TRHDE: variants seen among roughly 807,000 people sequenced by gnomAD.
The protein encoded by TRHDE is thyrotropin releasing hormone degrading enzyme.
In TRHDE, 72 loss-of-function variants were observed where a neutral mutation model predicts 125.7. The observed-to-expected ratio is 0.57, with a 90% CI of 0.47 to 0.70. The LOEUF (loss-of-function observed/expected upper bound fraction) is 0.70, where lower values mean the gene tolerates loss of function less well. Ranked by LOEUF, TRHDE falls within the 30% of genes least tolerant of loss-of-function variation. The probability of loss-of-function intolerance (pLI) is 0.00; values close to 1 mark genes in which losing one functional copy is unlikely to be tolerated. For missense variants in TRHDE, 1,110 were observed against 1,327.1 expected, an observed-to-expected ratio of 0.84 and a Z score of 2.54; for synonymous variants, 509 against 509.1, an observed-to-expected ratio of 1.00 and a Z score of 0.00.
chr12:72,489,223 A>G (rs1877548911), intron 5 of TRHDE, among the ~76,000 whole-genome samples: 2 of 118,744 alleles, frequency 1.7e-5, no homozygotes, highest in East Asian at 2.0e-4. Flanking sequence ...ATTTTTTTTG[A>G]AAAAAAAAAT....
chr12:72,110,502 TAG>T (rs1875292068), intron 2 of TRHDE, among the ~76,000 whole-genome samples: 1 of 152,166 alleles, frequency 6.6e-6, no homozygotes, highest in African/African-American at 2.4e-5. Flanking sequence ...TATGGTTTAT[TAG>T]AGTTTTCTGT....
intron 2 of TRHDE, among the ~76,000 whole-genome samples, chr12:72,343,967 TTATCTA>T (rs1870198164): frequency 6.6e-6 from 1 of 151,602 alleles, no homozygotes; most frequent in Non-Finnish European, 1.5e-5. Context: ...TTAATCTCCT[TTATCTA>T]TATTTATTAC....
chr12:72,195,513 A>ATTT (rs1405123034), intron 2 of TRHDE, among the ~76,000 whole-genome samples: 1 of 151,376 alleles, frequency 6.6e-6, no homozygotes, highest in Non-Finnish European at 1.5e-5. Context: ...GATGTGGAAC[A>ATTT]TTTTTTCATA....
At chr12:72,175,475 T>C (rs1284797503) in intron 2 of TRHDE, among the ~76,000 whole-genome samples, 1 of 152,166 alleles carries the variant, frequency 6.6e-6, no homozygotes, top group Non-Finnish European at 1.5e-5. Flanking sequence ...CAGGTAGATA[T>C]CACTGGAAAG....
upstream of TRHDE, chr12:72,271,936 C>T (rs1229029930): frequency 2.2e-6 from 1 of 456,648 alleles, no homozygotes; most frequent in Non-Finnish European, 4.4e-6. Context: ...TGCCGTTTGC[C>T]GCCACCGCCG....
At chr12:72,476,959 C>G (rs1876925666) in intron 5 of TRHDE, among the ~76,000 whole-genome samples, 1 of 152,080 alleles carries the variant, frequency 6.6e-6, no homozygotes, top group South Asian at 2.1e-4. Context: ...CTCTAGCAAA[C>G]TAATCAACTT....
rs73344416 is a variant in TRHDE, at chr12:72,428,906, T to C, written c.1316-40852T>C. ...CACTTAGCATATGTTTCAAAGTTCA[T>C]TCATGTGCCACATGAATCAGTATCT... On this transcript the variant is annotated intron_variant, in intron 3 of 18. Coordinates refer to ENST00000261180, the MANE Select transcript of TRHDE (RefSeq NM_013381.3). Among the ~76,000 whole-genome samples, 587 of 152,254 alleles carry C rather than the reference T, an allele frequency of 3.9e-3. 7 individuals are homozygous for C. Among genetic ancestry groups the C allele is most frequent in the African/African-American group, 0.014 (566 of 41,554 alleles).
At chr12:72,277,536 T>C (rs2139414603) in intron 1 of TRHDE, among the ~76,000 whole-genome samples, 1 of 152,302 alleles carries the variant, frequency 6.6e-6, no homozygotes, top group East Asian at 1.9e-4. Context: ...TTTGTTTCTG[T>C]AAAAACTTTT....
intron 2 of TRHDE, among the ~76,000 whole-genome samples, chr12:72,128,429 A>C (rs528399458): frequency 1.6e-4 from 25 of 152,212 alleles, no homozygotes; most frequent in African/African-American, 6.0e-4. Context: ...ATTACCAAGC[A>C]TGCAAAGAAG....
chr12:72,306,838 C>G (rs990119550), intron 2 of TRHDE: 3 of 151,962 alleles, frequency 2.0e-5, no homozygotes, highest in African/African-American at 7.3e-5. Context: ...TGATGCAATT[C>G]TAGATAGGAT....
chr12:72,469,580 G>A (rs1876546333), intron 3 of TRHDE, among the ~76,000 whole-genome samples, 178 bp from the exon 4 acceptor site: 1 of 152,190 alleles, frequency 6.6e-6, no homozygotes, highest in Non-Finnish European at 1.5e-5. Context: ...AGCATTTGCA[G>A]TGATAGCCTA....
intron 1 of TRHDE, among the ~76,000 whole-genome samples, chr12:72,285,706 A>T (rs1473297064): frequency 6.6e-6 from 1 of 151,998 alleles, no homozygotes; most frequent in Admixed American, 6.6e-5. Flanking sequence ...CTTTCAGTAG[A>T]GATGGGGTTT....
chr12:72,417,783 C>T (rs548322389), intron 3 of TRHDE, among the ~76,000 whole-genome samples: 1 of 151,958 alleles, frequency 6.6e-6, no homozygotes, highest in African/African-American at 2.4e-5. Flanking sequence ...TCATAATTTC[C>T]TCAATACAAA....
intron 2 of TRHDE, among the ~76,000 whole-genome samples, chr12:72,215,799 G>T (rs1877876945): frequency 6.6e-6 from 1 of 152,118 alleles, no homozygotes; most frequent in African/African-American, 2.4e-5. Context: ...GGATGGGGGT[G>T]GTTGGCGCTC....
chr12:72,621,221 C>A lies in TRHDE; in HGVS notation c.2567+16C>A. 1.3e-6 allele frequency: 2 copies of A among 1,522,794 alleles called. No homozygotes were observed. Among genetic ancestry groups the A allele is most frequent in the Non-Finnish European group, 1.8e-6 (2 of 1,098,200 alleles). 94.3% of individuals were successfully genotyped at this position (1,522,794 alleles called of 1,614,324 possible). On this transcript the variant is annotated intron_variant, in intron 14 of 18. Transcript: ENST00000261180. ...ACCAACATGAGTACTGTTTTATTTTCTTATCCTCTTCTTTACCCCTAGAGC... is the reference window on the plus strand; with the variant it reads ...ACCAACATGAGTACTGTTTTATTTTATTATCCTCTTCTTTACCCCTAGAGC...
chr12:72,571,503 G>A (rs1870730931), intron 10 of TRHDE, among the ~76,000 whole-genome samples: 1 of 152,126 alleles, frequency 6.6e-6, no homozygotes, highest in Admixed American at 6.6e-5. Context: ...TTTAATTAAT[G>A]CCAAGGTAAA....
intron 6 of TRHDE, among the ~76,000 whole-genome samples, chr12:72,533,236 G>A (rs975747320): frequency 1.1e-4 from 17 of 151,808 alleles, no homozygotes; most frequent in East Asian, 1.9e-4. Context: ...ACGCAGTGGC[G>A]TGATCTCAGC....
At chr12:72,315,639 C>T (rs994181335) in intron 2 of TRHDE, among the ~76,000 whole-genome samples, 1 of 152,216 alleles carries the variant, frequency 6.6e-6, no homozygotes, top group African/African-American at 2.4e-5. Flanking sequence ...ATGGGCAGAG[C>T]TGCTGGAAAA....
intron 2 of TRHDE, chr12:72,263,748 G>C (rs1592505078): frequency 6.6e-6 from 1 of 151,982 alleles, no homozygotes; most frequent in Non-Finnish European, 1.5e-5. Flanking sequence ...GACTGCCTTG[G>C]TTCTATAATC....
Sources: allele counts gnomAD v4.1 joint callset (sites outside exome capture counted in the v4.1 genomes callset), GRCh38; gene constraint gnomAD v4.1.1; transcripts MANE v1.5; gene names NCBI Gene and HGNC (gene_info 2026-07-23, HGNC 2026-07-21).